The following HIVEP1 variants were observed in gnomAD, a reference collection of about 807,000 sequenced individuals.
The protein encoded by HIVEP1 is zinc finger protein 40.
A neutral mutation model predicts 180.0 loss-of-function variants in HIVEP1; 36 were observed. The observed-to-expected ratio is 0.20, with a 90% confidence interval of 0.15 to 0.26. HIVEP1 has a LOEUF of 0.26. Among genes scored for constraint, HIVEP1 ranks in the 10% least tolerant of loss-of-function variants. HIVEP1 has a pLI of 1.00. For missense variants in HIVEP1, 3,143 were observed against 3,268.7 expected (o/e 0.96, Z 0.94); for synonymous variants, 1,239 against 1,239.0 (o/e 1.00, Z 0.00).
At position 12,047,349 on chromosome 6, in the gene HIVEP1, C is replaced by G. The variant is rs544342417; in HGVS notation, c.40+31681C>G. On this transcript the variant is annotated intron_variant, in intron 2 of 8. Transcript: ENST00000379388. The stretch of plus-strand genomic sequence containing the variant: ...CATTAAAAGACCATGCAGTTTTAAA[C>G]GACTGGAGACATTTTGTCAGTGTCT... Among the ~76,000 whole-genome samples the G allele has an allele frequency of 3.2e-3, 480 of 152,286 alleles. 5 individuals are homozygous for G. Among genetic ancestry groups the G allele is most frequent in the African/African-American group, 0.011 (451 of 41,548 alleles).
At chr6:12,025,363 A>G (rs947140193) in intron 2 of HIVEP1, among the ~76,000 whole-genome samples, 2 of 152,166 alleles carry the variant, frequency 1.3e-5, no homozygotes, top group East Asian at 1.9e-4. Context: ...TTGTATATGT[A>G]TATATTATTC....
the HIVEP1 span, among the ~76,000 whole-genome samples, chr6:12,197,451 C>A: frequency 6.7e-6 from 1 of 148,466 alleles, no homozygotes; most frequent in East Asian, 2.0e-4. Flanking sequence ...CCCAGCTACT[C>A]GGGAGGCTGA....
chr6:12,112,080 A>G (rs964030267), intron 3 of HIVEP1, among the ~76,000 whole-genome samples: 5 of 152,226 alleles, frequency 3.3e-5, no homozygotes, highest in African/African-American at 1.2e-4. Context: ...ACATTTCAGT[A>G]TAGGCCTGAA....
At chr6:12,177,018 A>G in the HIVEP1 span, among the ~76,000 whole-genome samples, 5 of 152,218 alleles carry the variant, frequency 3.3e-5, no homozygotes, top group Admixed American at 6.5e-5. Context: ...CTGCGGGAAC[A>G]TGGATGGAGC....
At chr6:12,207,968 A>C in the HIVEP1 span, among the ~76,000 whole-genome samples, 1 of 151,614 alleles carries the variant, frequency 6.6e-6, no homozygotes, top group Non-Finnish European at 1.5e-5. Context: ...CCTTGCTTTG[A>C]ATTCAGCTGT....
At chr6:12,183,242 C>T in the HIVEP1 span, among the ~76,000 whole-genome samples, 5 of 152,062 alleles carry the variant, frequency 3.3e-5, no homozygotes, top group African/African-American at 1.2e-4. Flanking sequence ...AACAAGAGAA[C>T]AAACAAGGTA....
chr6:12,112,228 A>C (rs543131691), intron 3 of HIVEP1, among the ~76,000 whole-genome samples: 1 of 152,034 alleles, frequency 6.6e-6, no homozygotes, highest in East Asian at 1.9e-4. Context: ...AAAATATCAC[A>C]CCATGGTTTC....
At chr6:12,131,536 A>C (rs1758415626) in intron 6 of HIVEP1, among the ~76,000 whole-genome samples, 1 of 151,482 alleles carries the variant, frequency 6.6e-6, no homozygotes, top group African/African-American at 2.4e-5. Flanking sequence ...TATATTTAGG[A>C]CCCTTTCTGG....
chr6:12,020,925 C>CT (rs199776979), intron 2 of HIVEP1, among the ~76,000 whole-genome samples: 5,662 of 130,778 alleles, frequency 0.043, 168 homozygotes, highest in Middle Eastern at 0.21. Context: ...GAGTCTCACT[C>CT]TGTCACCCAG....
intron 6 of HIVEP1, among the ~76,000 whole-genome samples, chr6:12,134,135 A>G (rs1488351294): frequency 6.6e-6 from 1 of 152,232 alleles, no homozygotes; most frequent in Non-Finnish European, 1.5e-5. Context: ...GAAAACTTTA[A>G]AGCTGTCACA....
At chr6:12,174,711 G>A in the HIVEP1 span, among the ~76,000 whole-genome samples, 7 of 152,254 alleles carry the variant, frequency 4.6e-5, no homozygotes, top group Middle Eastern at 3.4e-3. Context: ...AGGTAGAATC[G>A]TATGTTCTTT....
At chr6:12,132,835 C>CA (rs1269793827) in intron 6 of HIVEP1, among the ~76,000 whole-genome samples, 4 of 152,166 alleles carry the variant, frequency 2.6e-5, no homozygotes, top group Non-Finnish European at 5.9e-5. Context: ...CTTTTCTTGG[C>CA]ATGACACTTC....
At chr6:12,017,332 C>T (rs183129778) in intron 2 of HIVEP1, among the ~76,000 whole-genome samples, 2 of 152,302 alleles carry the variant, frequency 1.3e-5, no homozygotes, top group Admixed American at 1.3e-4. Context: ...CAGGTTGTTC[C>T]TTCTGATGTT....
the HIVEP1 span, among the ~76,000 whole-genome samples, chr6:12,197,765 T>C: frequency 6.6e-6 from 1 of 152,030 alleles, no homozygotes; most frequent in Admixed American, 6.6e-5. Flanking sequence ...GCAGCCATAA[T>C]GAATTAAGAT....
intron 7 of HIVEP1, among the ~76,000 whole-genome samples, chr6:12,159,530 G>GC (rs763414492): frequency 5.4e-4 from 82 of 152,274 alleles, no homozygotes; most frequent in Admixed American, 3.3e-3. Flanking sequence ...CTCAGCCAGG[G>GC]CGGAGGCTCG....
chr6:12,026,261 C>T (rs1419026046), intron 2 of HIVEP1, among the ~76,000 whole-genome samples: 4 of 152,138 alleles, frequency 2.6e-5, no homozygotes, highest in African/African-American at 9.7e-5. Context: ...GTATGGAATT[C>T]CCCAAGGGAA....
chr6:12,145,318 T>G (rs1166818642), intron 7 of HIVEP1, among the ~76,000 whole-genome samples: 2 of 151,644 alleles, frequency 1.3e-5, no homozygotes, highest in Non-Finnish European at 2.9e-5. Context: ...AATTGAACAA[T>G]GAGAACACTT....
At chr6:12,050,451 T>C (rs1028185406) in intron 2 of HIVEP1, among the ~76,000 whole-genome samples, 1 of 151,982 alleles carries the variant, frequency 6.6e-6, no homozygotes, top group Non-Finnish European at 1.5e-5. Context: ...CCGGGCGTAG[T>C]GGCAGGCACC....
intron 2 of HIVEP1, among the ~76,000 whole-genome samples, chr6:12,067,055 G>A (rs982971439): frequency 2.6e-5 from 4 of 152,068 alleles, no homozygotes; most frequent in African/African-American, 9.7e-5. Context: ...CAGATTTGGT[G>A]GTACATTTTC....
Sources: allele counts gnomAD v4.1 joint callset (sites outside exome capture counted in the v4.1 genomes callset), GRCh38; gene constraint gnomAD v4.1.1; transcripts MANE v1.5; gene names NCBI Gene and HGNC (gene_info 2026-07-23, HGNC 2026-07-21).